The following TTC7A variants were observed in gnomAD, a reference collection of about 807,000 sequenced individuals.
TTC7A encodes tetratricopeptide repeat domain 7A, also known as tetratricopeptide repeat protein 7A.
TTC7A carries 110 observed loss-of-function variants against 103.7 expected under a neutral mutation model. That is an observed-to-expected ratio of 1.06 (90% CI 0.91 to 1.24). The LOEUF (loss-of-function observed/expected upper bound fraction) is 1.24. Ranked by LOEUF, TTC7A falls within the 50% of genes most tolerant of loss-of-function variation. TTC7A has a pLI of 0.00. For synonymous variants in TTC7A, 521 were observed against 467.9 expected (o/e 1.11, Z -1.47); for missense variants, 1,340 against 1,116.3 (o/e 1.20, Z -2.86).
intron 5 of TTC7A, among the ~76,000 whole-genome samples, chr2:46,980,946 G>A (rs1674390307): frequency 6.6e-6 from 1 of 152,212 alleles, no homozygotes; most frequent in Non-Finnish European, 1.5e-5. Flanking sequence ...ATAGGGCTAG[G>A]TATGCGGAAG....
intron 5 of TTC7A, among the ~76,000 whole-genome samples, chr2:46,981,216 A>G (rs1355305205): frequency 6.7e-6 from 1 of 149,586 alleles, no homozygotes; most frequent in Non-Finnish European, 1.5e-5. Context: ...TTCTATGTGT[A>G]GATACACAGA....
At chr2:47,073,603 G>C in intron 19 of TTC7A, 99 bp from the exon 20 acceptor site, 1 of 1,010,394 alleles carries the variant, frequency 9.9e-7, no homozygotes, top group South Asian at 1.4e-5. Flanking sequence ...CTCTCGAGCT[G>C]ATGGCTGCTG....
chr2:46,953,330 T>A (rs1297055298), intron 2 of TTC7A, among the ~76,000 whole-genome samples: 1 of 152,138 alleles, frequency 6.6e-6, no homozygotes, highest in African/African-American at 2.4e-5. Flanking sequence ...ATTTTTAAAT[T>A]TTTTTGTAGA....
chr2:46,918,005 CTGTGCTTTAGA>C, intron 2 of TTC7A, among the ~76,000 whole-genome samples: 1 of 152,302 alleles, frequency 6.6e-6, no homozygotes, highest in South Asian at 2.1e-4. Flanking sequence ...TTACCTAGTC[CTGTGCTTTAGA>C]TACCATTTAT....
chr2:46,969,463 C>T (rs1247280569), intron 3 of TTC7A, among the ~76,000 whole-genome samples: 1 of 151,994 alleles, frequency 6.6e-6, no homozygotes, highest in Non-Finnish European at 1.5e-5. Context: ...GCCGAGATCG[C>T]GCCACTGCAC....
At chr2:47,064,765 T>G (rs1238076323) in intron 19 of TTC7A, among the ~76,000 whole-genome samples, 2 of 151,718 alleles carry the variant, frequency 1.3e-5, no homozygotes, top group Non-Finnish European at 2.9e-5. Context: ...GGTGGGAGGG[T>G]CATTGGTTGG....
chr2:46,921,595 T>C (rs1028875023), intron 2 of TTC7A, among the ~76,000 whole-genome samples: 4 of 152,212 alleles, frequency 2.6e-5, no homozygotes, highest in African/African-American at 9.7e-5. Context: ...ATATGCTCAC[T>C]TTAAAGAAAA....
chr2:47,031,825 C>G (rs1680575540), intron 15 of TTC7A, among the ~76,000 whole-genome samples: 1 of 152,218 alleles, frequency 6.6e-6, no homozygotes, highest in South Asian at 2.1e-4. Flanking sequence ...GGCTAACTCC[C>G]TTTTTTGGAA....
chr2:47,030,752 C>T (rs984962978), intron 15 of TTC7A, among the ~76,000 whole-genome samples: 5 of 152,312 alleles, frequency 3.3e-5, no homozygotes, highest in Non-Finnish European at 7.3e-5. Context: ...CCCCACTGCT[C>T]ACAGCCAGGT....
Position 47,006,682 on chromosome 2 carries a change from C to T in TTC7A, c.1245C>T (p.His415=), listed in dbSNP as rs1227179804. The T allele has an allele frequency of 1.2e-6, 2 of 1,614,070 alleles. No homozygotes were observed. Among genetic ancestry groups the T allele is most frequent in the East Asian group, 2.2e-5 (1 of 44,890 alleles). The change falls in exon 10 of 20, where the codon CAC becomes CAT. Residue 415 remains histidine, a synonymous_variant. Transcript: ENST00000319190. The part of the protein sequence containing the change: ...RAMKFAFGEF[H]LWYQVALSMV... ...TGAAGTTTGCGTTTGGAGAATTTCA[C>T]CTTTGGTACCAGGTGGCCCTCTCCA...
chr2:46,935,331 T>C (rs1174131506), intron 2 of TTC7A, among the ~76,000 whole-genome samples: 1 of 152,134 alleles, frequency 6.6e-6, no homozygotes, highest in Non-Finnish European at 1.5e-5. Context: ...TGTTGTATCA[T>C]GATCCTTGCC....
At chr2:47,055,764 T>C (rs1683262309) in intron 18 of TTC7A, among the ~76,000 whole-genome samples, 1 of 152,166 alleles carries the variant, frequency 6.6e-6, no homozygotes, top group Non-Finnish European at 1.5e-5. Context: ...CTGGTGCCGG[T>C]GCTCTGGCCC....
At chr2:46,971,886 G>A (rs942921152) in intron 3 of TTC7A, among the ~76,000 whole-genome samples, 1 of 149,752 alleles carries the variant, frequency 6.7e-6, no homozygotes, top group Non-Finnish European at 1.5e-5. Flanking sequence ...CAGAAGGACA[G>A]CACTCTCTAG....
intron 6 of TTC7A, 47 bp downstream of exon 6, chr2:46,993,575 G>C: frequency 6.3e-7 from 1 of 1,581,148 alleles, no homozygotes; most frequent in Non-Finnish European, 8.7e-7. Flanking sequence ...AGTCAGCTTT[G>C]GTGGGAGACA....
chr2:47,023,604 C>T (rs1679532077), intron 13 of TTC7A, 139 bp downstream of exon 13: 1 of 945,320 alleles, frequency 1.1e-6, no homozygotes, highest in Admixed American at 2.1e-5. Context: ...CTGCACACAG[C>T]AAGCAGGGAT....
chr2:47,047,746 G>A (rs796199258), intron 16 of TTC7A, among the ~76,000 whole-genome samples: 36 of 152,338 alleles, frequency 2.4e-4, no homozygotes, highest in African/African-American at 8.4e-4. Flanking sequence ...TTGAAGACCT[G>A]GCCTATGCCT....
chr2:47,029,103 C>A, intron 14 of TTC7A, 121 bp from the exon 15 acceptor site: 2 of 1,165,488 alleles, frequency 1.7e-6, no homozygotes, highest in Non-Finnish European at 2.5e-6. Flanking sequence ...AGCCTCCCTG[C>A]CCCCAGTGCC....
intron 1 of TTC7A, among the ~76,000 whole-genome samples, chr2:46,946,391 CT>C (rs1670940885): frequency 6.6e-6 from 1 of 152,086 alleles, no homozygotes; most frequent in Non-Finnish European, 1.5e-5. Flanking sequence ...ACAGGGAAGC[CT>C]TTATCCACCT....
chr2:46,999,823 C>G, intron 8 of TTC7A: 1 of 985,448 alleles, frequency 1.0e-6, no homozygotes, highest in Non-Finnish European at 1.2e-6. Context: ...TTTCATTCAG[C>G]TGGCGAACAA....
Sources: allele counts gnomAD v4.1 joint callset (sites outside exome capture counted in the v4.1 genomes callset), GRCh38; gene constraint gnomAD v4.1.1; transcripts MANE v1.5; gene names NCBI Gene and HGNC (gene_info 2026-07-23, HGNC 2026-07-21).